RPL38: variants seen among roughly 807,000 people sequenced by gnomAD.
RPL38 encodes the protein large ribosomal subunit protein eL38.
Under a neutral mutation model 12.8 loss-of-function variants are expected in RPL38, and 2 were observed. That is an observed-to-expected ratio of 0.16 (90% CI 0.06 to 0.49). RPL38 has a LOEUF of 0.49. Among genes scored for constraint, RPL38 ranks in the 20% least tolerant of loss-of-function variants. RPL38 has a pLI of 0.96. For synonymous variants in RPL38, 42 were observed against 30.1 expected, an observed-to-expected ratio of 1.39 and a Z score of -1.29; for missense variants, 52 against 79.8, an observed-to-expected ratio of 0.65 and a Z score of 1.33.
intron 3 of RPL38, chr17:74,205,591 T>A (rs1310449254): frequency 6.6e-6 from 1 of 152,160 alleles, no homozygotes; most frequent in African/African-American, 2.4e-5. Context: ...GTGTTTTGTG[T>A]AAAGAGATGA....
intron 3 of RPL38, among the ~76,000 whole-genome samples, chr17:74,206,551 C>A (rs2050115634): frequency 6.6e-6 from 1 of 152,120 alleles, no homozygotes; most frequent in East Asian, 1.9e-4. Flanking sequence ...CCCATTCTTC[C>A]CCAGCCCCTG....
rs540538060 is a variant in RPL38 at position 74,203,699 on chromosome 17, T to C, written c.-85T>C. 2 of 506,290 alleles carry C rather than the reference T, an allele frequency of 4.0e-6. No homozygotes were observed. The highest frequency in any genetic ancestry group is 6.9e-5 in the South Asian group (2 of 29,084). 31.4% of individuals were successfully genotyped at this position (506,290 alleles called of 1,614,324 possible). Reference sequence around the variant, plus strand: ...CGTTCTTTTTCGTCCTTTTCCCCGGTTGCTGCTTGCTGTGAGTGTCTCTAG... The same window carrying C: ...CGTTCTTTTTCGTCCTTTTCCCCGGCTGCTGCTTGCTGTGAGTGTCTCTAG... On this transcript the variant is annotated 5_prime_UTR_variant, in exon 1 of 5. Coordinates refer to ENST00000311111, the MANE Select transcript of RPL38 (RefSeq NM_000999.4).
At chr17:74,206,902 G>A (rs995945374) in intron 3 of RPL38, among the ~76,000 whole-genome samples, 1 of 149,958 alleles carries the variant, frequency 6.7e-6, no homozygotes, top group Non-Finnish European at 1.5e-5. Context: ...TTTTAAAGTA[G>A]AGACGGGGTT....
At chr17:74,208,653 A>G (rs1308063768) in intron 3 of RPL38, among the ~76,000 whole-genome samples, 2 of 152,134 alleles carry the variant, frequency 1.3e-5, no homozygotes, top group East Asian at 3.9e-4. Flanking sequence ...AAAAGATAAT[A>G]GGCCAGGTGC....
chr17:74,204,381 T>C, intron 3 of RPL38, 191 bp downstream of exon 3: 1 of 596,350 alleles, frequency 1.7e-6, no homozygotes, highest in Non-Finnish European at 3.0e-6. Context: ...CCCTGGAATT[T>C]CTAGGACCAT....
intron 4 of RPL38, 149 bp from the exon 5 acceptor site, chr17:74,209,655 C>A: frequency 1.4e-6 from 1 of 720,434 alleles, no homozygotes; most frequent in Non-Finnish European, 2.4e-6. Flanking sequence ...GTCTTTTTAT[C>A]AAACACTAAA....
chr17:74,208,624 C>G (rs2050136792), intron 3 of RPL38, among the ~76,000 whole-genome samples: 1 of 152,160 alleles, frequency 6.6e-6, no homozygotes, highest in African/African-American at 2.4e-5. Flanking sequence ...TACTTTATCA[C>G]TGCTTCTATC....
At chr17:74,209,138 C>T (rs763312537) in intron 3 of RPL38, 49 bp from the exon 4 acceptor site, 1 of 1,605,518 alleles carries the variant, frequency 6.2e-7, no homozygotes, top group Non-Finnish European at 8.5e-7. Flanking sequence ...GACTGTGTCA[C>T]ATCTGTTTTC....
intron 1 of RPL38, 54 bp from the exon 2 acceptor site, chr17:74,203,864 G>A (rs1049405380): frequency 1.2e-5 from 17 of 1,444,432 alleles, no homozygotes; most frequent in Non-Finnish European, 1.5e-5. Flanking sequence ...GCGGGAAAAC[G>A]GGGTTCGCTG....
chr17:74,203,822 G>A (rs1229616490), intron 1 of RPL38, 77 bp downstream of exon 1: 8 of 1,134,398 alleles, frequency 7.1e-6, no homozygotes, highest in Non-Finnish European at 9.9e-6. Context: ...GAGGAGAAGG[G>A]GAGTGCGATG....
At chr17:74,208,710 C>T (rs1247674093) in intron 3 of RPL38, among the ~76,000 whole-genome samples, 1 of 152,172 alleles carries the variant, frequency 6.6e-6, no homozygotes, top group Non-Finnish European at 1.5e-5. Context: ...CCGAGGCCAG[C>T]GGATCACGAG....
chr17:74,207,135 C>T (rs1171197258), intron 3 of RPL38, among the ~76,000 whole-genome samples: 3 of 152,064 alleles, frequency 2.0e-5, no homozygotes, highest in East Asian at 3.9e-4. Flanking sequence ...CCTTAGCCTC[C>T]AGAGTCTCTG....
In RPL38 at chr17:74,210,335, A is replaced by G. The variant is rs1257859431; in HGVS notation, c.*506A>G. The G allele has an allele frequency of 6.5e-6, 1 of 154,320 alleles. No homozygotes were observed. The highest frequency in any genetic ancestry group is 6.4e-5 in the Admixed American group (1 of 15,526). 9.6% of individuals were successfully genotyped at this position (154,320 alleles called of 1,614,324 possible). ...ATAAGATGTGGGGAGGCCATGATGG[A>G]AATAGCACGTGGGGTTAAACATAAC... On this transcript the variant is annotated 3_prime_UTR_variant, in exon 5 of 5. Coordinates refer to ENST00000311111, the MANE Select transcript of RPL38 (RefSeq NM_000999.4).
intron 3 of RPL38, chr17:74,205,376 C>G (rs576416665): frequency 6.6e-6 from 1 of 152,158 alleles, no homozygotes; most frequent in African/African-American, 2.4e-5. Flanking sequence ...TTAAGGTGGG[C>G]TAAGACACCA....
chr17:74,204,228 CT>C, intron 3 of RPL38, 38 bp downstream of exon 3: 3 of 1,595,960 alleles, frequency 1.9e-6, no homozygotes, highest in Non-Finnish European at 2.6e-6. Flanking sequence ...AGAGCGGTGC[CT>C]AGCCTGGCAC....
At chr17:74,204,533 G>A (rs894497300) in intron 3 of RPL38, 2 of 333,940 alleles carry the variant, frequency 6.0e-6, no homozygotes, top group Admixed American at 4.6e-5. Flanking sequence ...GTTCTCTGCA[G>A]TTGTGCAAAA....
chr17:74,210,604 G>A lies in RPL38; in HGVS notation c.*775G>A, dbSNP rs967930505. 1.3e-5 allele frequency: 2 copies of A among 152,230 alleles called. No individual in the cohort carries two copies. The highest frequency in any genetic ancestry group is 2.1e-4 in the South Asian group (1 of 4,828). The allele number at this position is 152,230 out of a possible 1,614,324, so 9.4% of individuals were successfully genotyped here. Reference sequence around the variant, plus strand: ...CCACCAGGTGGTGCTGTGCCACAGCGGGCAGCCCCTCTGGAAATGACTGGC... The same window carrying A: ...CCACCAGGTGGTGCTGTGCCACAGCAGGCAGCCCCTCTGGAAATGACTGGC... On this transcript the variant is annotated 3_prime_UTR_variant, in exon 5 of 5. Coordinates refer to ENST00000311111, the MANE Select transcript of RPL38 (RefSeq NM_000999.4).
chr17:74,209,809 G>T lies in RPL38; in HGVS notation c.193G>T (p.Ala65Ser), dbSNP rs1336975339. Residue 65 changes from alanine (A) to serine (S), a missense_variant, in exon 5 of 5, where the codon GCA (alanine) becomes TCA (serine). Transcript: ENST00000311111. ...KLKQSLPPGLAVKELK is the reference protein window; with the variant it reads ...KLKQSLPPGLSVKELK The stretch of plus-strand genomic sequence containing the variant: ...TTTTGTCTCTTTCCCTCTAGGTTTG[G>T]CAGTGAAGGAACTGAAATGAACCAG... The T allele has an allele frequency of 2.5e-6, 4 of 1,612,632 alleles. No homozygotes were observed. Among genetic ancestry groups the T allele is most frequent in the Non-Finnish European group, 3.4e-6 (4 of 1,178,794 alleles).
chr17:74,205,157 C>T (rs1184352329), intron 3 of RPL38: 1 of 152,218 alleles, frequency 6.6e-6, no homozygotes, highest in East Asian at 1.9e-4. Context: ...GGATAGGTGC[C>T]AATCTCTGCT....
Sources: allele counts gnomAD v4.1 joint callset (sites outside exome capture counted in the v4.1 genomes callset), GRCh38; gene constraint gnomAD v4.1.1; transcripts MANE v1.5; gene names NCBI Gene and HGNC (gene_info 2026-07-23, HGNC 2026-07-21).